Variants in SLC35F3 observed in about 807,000 individuals in gnomAD.
SLC35F3 encodes putative thiamine transporter SLC35F3.
Under a neutral mutation model 49.9 loss-of-function variants are expected in SLC35F3, and 25 were observed. That is an observed-to-expected ratio of 0.50 (90% CI 0.37 to 0.70). SLC35F3 has a LOEUF of 0.70. Among genes scored for constraint, SLC35F3 ranks in the 30% least tolerant of loss-of-function variants. SLC35F3 has a pLI of 0.00. For synonymous variants in SLC35F3, 275 were observed against 265.4 expected, an observed-to-expected ratio of 1.04 and a Z score of -0.35; for missense variants, 525 against 639.8, an observed-to-expected ratio of 0.82 and a Z score of 1.94.
At chr1:234,310,458 G>T (rs1341838084) in intron 4 of SLC35F3, among the ~76,000 whole-genome samples, 1 of 152,158 alleles carries the variant, frequency 6.6e-6, no homozygotes, top group East Asian at 1.9e-4. Flanking sequence ...GGGAAAATTT[G>T]TTTTGAGGCT....
chr1:234,079,977 T>A (rs1050957228), intron 2 of SLC35F3, among the ~76,000 whole-genome samples: 23 of 152,126 alleles, frequency 1.5e-4, no homozygotes, highest in Admixed American at 5.2e-4. Context: ...CTTTTGTTAT[T>A]CTTAAAAAAC....
chr1:234,241,182 G>T (rs890128306), intron 3 of SLC35F3, among the ~76,000 whole-genome samples: 2 of 152,138 alleles, frequency 1.3e-5, no homozygotes, highest in Non-Finnish European at 2.9e-5. Flanking sequence ...CGACCACCCT[G>T]CCCTTCATAG....
chr1:234,227,429 A>C (rs1257559097), intron 2 of SLC35F3, among the ~76,000 whole-genome samples: 3 of 123,366 alleles, frequency 2.4e-5, no homozygotes, highest in Admixed American at 2.5e-4. Context: ...GATGGAGTCT[A>C]GCTCTGTTGC....
At chr1:233,974,187 T>C (rs1663039028) in intron 2 of SLC35F3, among the ~76,000 whole-genome samples, 1 of 141,118 alleles carries the variant, frequency 7.1e-6, no homozygotes, top group South Asian at 2.4e-4. Flanking sequence ...TTTTTTTTTT[T>C]TTTTTTTTTT....
At chr1:234,272,773 G>A (rs78837327) in intron 3 of SLC35F3, among the ~76,000 whole-genome samples, 6,851 of 152,056 alleles carry the variant, frequency 0.045, 223 homozygotes, top group African/African-American at 0.081. Flanking sequence ...TCCAAATGGC[G>A]TGCTGCCTGG....
At chr1:234,100,996 C>A (rs1665205921) in intron 2 of SLC35F3, among the ~76,000 whole-genome samples, 1 of 152,284 alleles carries the variant, frequency 6.6e-6, no homozygotes, top group African/African-American at 2.4e-5. Context: ...ACACCTCAAC[C>A]ACTTGGGGCT....
intron 2 of SLC35F3, among the ~76,000 whole-genome samples, chr1:234,148,950 G>T (rs1480133702): frequency 6.6e-6 from 1 of 152,164 alleles, no homozygotes; most frequent in Non-Finnish European, 1.5e-5. Flanking sequence ...GCATGAGGTG[G>T]GGGCAGGGGA....
rs1662740938 is a variant in SLC35F3, at chr1:233,958,439, A to G, written c.283+52681A>G. Among the ~76,000 whole-genome samples, 5 of 152,354 alleles carry G rather than the reference A, an allele frequency of 3.3e-5. No homozygotes were observed. The South Asian group carries it at 1.0e-3, about 32-fold the overall frequency. Reference sequence around the variant, plus strand: ...TAGTAAGCATTTATTGAATCAATGAATGAATGAATGAGCTTATTTATACCT... The same window carrying G: ...TAGTAAGCATTTATTGAATCAATGAGTGAATGAATGAGCTTATTTATACCT... On this transcript the variant is annotated intron_variant, in intron 2 of 7. Transcript: ENST00000366618.
intron 2 of SLC35F3, among the ~76,000 whole-genome samples, chr1:233,914,090 C>T (rs1446246362): frequency 2.6e-5 from 4 of 152,142 alleles, no homozygotes; most frequent in Admixed American, 2.6e-4. Flanking sequence ...TGTACTACAT[C>T]CTCCGTTTGG....
At chr1:234,142,303 A>T (rs1558240839) in intron 2 of SLC35F3, among the ~76,000 whole-genome samples, 1 of 152,238 alleles carries the variant, frequency 6.6e-6, no homozygotes, top group Non-Finnish European at 1.5e-5. Context: ...GGAACTAATC[A>T]GTGGACTCTT....
rs980833484 is a variant in SLC35F3 at position 233,904,979 on chromosome 1, C to T, written c.-99C>T. On this transcript the variant is annotated 5_prime_UTR_variant, in exon 1 of 8. Transcript: ENST00000366618. ...CGCGGCGCAGACCCTCGGTGGGCAG[C>T]GCACTCCAGTCTTCCCAGGCTAGCG... is the stretch of plus-strand genomic sequence containing the variant. 21 of 1,350,852 alleles carry T rather than the reference C, an allele frequency of 1.6e-5. No homozygotes were observed. The Admixed American group carries it at 3.1e-4, about 20-fold the overall frequency. 83.7% of individuals were successfully genotyped at this position (1,350,852 alleles called of 1,614,324 possible).
At chr1:234,131,003 G>A (rs547949882) in intron 2 of SLC35F3, among the ~76,000 whole-genome samples, 49 of 152,208 alleles carry the variant, frequency 3.2e-4, no homozygotes, top group South Asian at 6.2e-4. Flanking sequence ...CCATTAAGTG[G>A]AACAACATAG....
intron 2 of SLC35F3, among the ~76,000 whole-genome samples, chr1:233,998,144 T>A (rs2102830865): frequency 6.6e-6 from 1 of 152,314 alleles, no homozygotes; most frequent in East Asian, 1.9e-4. Flanking sequence ...TGGTTCTGCG[T>A]GTTTAAATTC....
At chr1:234,233,841 G>GTTGTT (rs111517884) in intron 3 of SLC35F3, among the ~76,000 whole-genome samples, 6 of 152,094 alleles carry the variant, frequency 3.9e-5, no homozygotes, top group African/African-American at 7.2e-5. Flanking sequence ...CTTTAAAAAA[G>GTTGTT]TTGTTTTGTT....
At chr1:234,124,085 G>A (rs1665613551) in intron 2 of SLC35F3, among the ~76,000 whole-genome samples, 1 of 152,154 alleles carries the variant, frequency 6.6e-6, no homozygotes, top group Non-Finnish European at 1.5e-5. Context: ...TATCGTAGAG[G>A]ACATGGAGCT....
intron 2 of SLC35F3, among the ~76,000 whole-genome samples, chr1:233,986,223 T>G (rs1279887956): frequency 6.6e-6 from 1 of 152,198 alleles, no homozygotes; most frequent in Non-Finnish European, 1.5e-5. Flanking sequence ...TAATTTTTAT[T>G]TTTATAAAAT....
At chr1:233,969,989 T>A (rs1211337992) in intron 2 of SLC35F3, among the ~76,000 whole-genome samples, 1 of 152,186 alleles carries the variant, frequency 6.6e-6, no homozygotes, top group Non-Finnish European at 1.5e-5. Flanking sequence ...TGACTTCTGC[T>A]CCTGCCTCAT....
intron 2 of SLC35F3, among the ~76,000 whole-genome samples, chr1:233,984,809 G>A (rs905085731): frequency 2.6e-5 from 4 of 152,134 alleles, no homozygotes; most frequent in Non-Finnish European, 5.9e-5. Context: ...ATTCTGAAGA[G>A]CAACCCAGGG....
chr1:234,247,732 TG>T, intron 3 of SLC35F3, among the ~76,000 whole-genome samples: 1 of 151,182 alleles, frequency 6.6e-6, no homozygotes, highest in African/African-American at 2.4e-5. Flanking sequence ...CATTGTTTGG[TG>T]GGTCGGTTGG....
Sources: allele counts gnomAD v4.1 joint callset (sites outside exome capture counted in the v4.1 genomes callset), GRCh38; gene constraint gnomAD v4.1.1; transcripts MANE v1.5; gene names NCBI Gene and HGNC (gene_info 2026-07-23, HGNC 2026-07-21).